Variants in FBXL20 observed in about 807,000 individuals in gnomAD.
FBXL20 encodes F-box/LRR-repeat protein 20.
Under a neutral mutation model 64.0 loss-of-function variants are expected in FBXL20, and 11 were observed. The observed-to-expected ratio is 0.17, with a 90% CI of 0.11 to 0.28. The LOEUF is 0.28. Among genes scored for constraint, FBXL20 ranks in the 10% least tolerant of loss-of-function variants. The probability of loss-of-function intolerance (pLI) is 1.00; values close to 1 mark genes in which losing one functional copy is unlikely to be tolerated. For missense variants in FBXL20, 303 were observed against 526.2 expected, an observed-to-expected ratio of 0.58 and a Z score of 4.15; for synonymous variants, 184 against 189.0, an observed-to-expected ratio of 0.97 and a Z score of 0.22.
chr17:39,362,397 C>G (rs562488554), intron 1 of FBXL20, among the ~76,000 whole-genome samples: 1 of 152,106 alleles, frequency 6.6e-6, no homozygotes, highest in Admixed American at 6.5e-5. Flanking sequence ...CCCAGGAGTT[C>G]GAGACCAGCC....
intron 6 of FBXL20, among the ~76,000 whole-genome samples, chr17:39,291,310 G>A (rs1199320055): frequency 6.7e-6 from 1 of 150,104 alleles, no homozygotes; most frequent in African/African-American, 2.5e-5. Context: ...CCTTCCTTTG[G>A]ATTTAATTTA....
At chr17:39,357,607 C>T (rs1006781946) in intron 1 of FBXL20, among the ~76,000 whole-genome samples, 2 of 152,172 alleles carry the variant, frequency 1.3e-5, no homozygotes, top group African/African-American at 4.8e-5. Flanking sequence ...AGTGCGGTGG[C>T]ACAAACATAG....
intron 12 of FBXL20, 115 bp downstream of exon 12, chr17:39,268,712 A>G (rs1330584303): frequency 2.5e-6 from 2 of 795,352 alleles, no homozygotes; most frequent in Non-Finnish European, 4.0e-6. Context: ...GGAATCTGCA[A>G]TGCTGTCAGG....
rs193187451 is a variant in FBXL20, at chr17:39,347,566, G to C, written c.43-4325C>G. 1.0e-3 allele frequency among the ~76,000 whole-genome samples: 155 copies of C among 152,240 alleles called. 1 individual carries two copies. Among genetic ancestry groups the C allele is most frequent in the African/African-American group, 3.5e-3 (147 of 41,556 alleles). ...GATTTTTTCTTGTAAATTTGTTTAA[G>C]TTCTTTGTAGATTCTGGATATTAGT... On this transcript the variant is annotated intron_variant, in intron 1 of 14. Coordinates refer to ENST00000264658, the MANE Select transcript of FBXL20 (RefSeq NM_032875.3).
intron 2 of FBXL20, among the ~76,000 whole-genome samples, chr17:39,337,872 G>T (rs1330308960): frequency 1.3e-5 from 2 of 151,612 alleles, no homozygotes; most frequent in African/African-American, 2.4e-5. Context: ...GGAGGAGGGG[G>T]TCAGGCCCCG....
intron 10 of FBXL20, 101 bp downstream of exon 10, chr17:39,274,869 T>G (rs1325496775): frequency 1.6e-5 from 23 of 1,477,438 alleles, no homozygotes; most frequent in Non-Finnish European, 2.0e-5. Context: ...TTTCAAAGCG[T>G]CTGCAGTGCC....
chr17:39,292,203 T>C (rs905277707), intron 6 of FBXL20, among the ~76,000 whole-genome samples: 4 of 150,532 alleles, frequency 2.7e-5, no homozygotes, highest in African/African-American at 1.0e-4. Context: ...AAGCCAGGGG[T>C]ACTATTTAAT....
At chr17:39,382,063 A>T (rs1597832317) in intron 1 of FBXL20, among the ~76,000 whole-genome samples, 2 of 147,664 alleles carry the variant, frequency 1.4e-5, no homozygotes, top group African/African-American at 5.1e-5. Context: ...ACTGCACTCC[A>T]GCCTGGCAAA....
At chr17:39,338,097 G>T (rs1008270233) in intron 2 of FBXL20, among the ~76,000 whole-genome samples, 1 of 152,234 alleles carries the variant, frequency 6.6e-6, no homozygotes, top group African/African-American at 2.4e-5. Context: ...GAATAGAAAG[G>T]GGGGAAAGGT....
At chr17:39,268,176 A>G (rs2046809100) in intron 12 of FBXL20, among the ~76,000 whole-genome samples, 1 of 152,086 alleles carries the variant, frequency 6.6e-6, no homozygotes, top group African/African-American at 2.4e-5. Flanking sequence ...ACACAGTGAA[A>G]TCCCATCTCT....
chr17:39,364,382 G>A (rs985625628), intron 1 of FBXL20, among the ~76,000 whole-genome samples: 2 of 152,188 alleles, frequency 1.3e-5, no homozygotes, highest in African/African-American at 4.8e-5. Flanking sequence ...GGAGGCCAAG[G>A]AGAGTGGATT....
In FBXL20 at chr17:39,264,348, G is replaced by A. The variant is rs1433521578; in HGVS notation, c.1030C>T (p.Arg344Cys). The A allele has an allele frequency of 1.9e-6, 3 of 1,613,840 alleles. No individual in the cohort carries two copies. Among genetic ancestry groups the A allele is most frequent in the East Asian group, 2.2e-5 (1 of 44,882 alleles). ...HCELITDDGI[R>C]HLGNGACAHD... ...GCGCAGGCCCCATTCCCCAGGTGACGAATTCCATCATCTGTGATCAGCTCA... is the reference window on the plus strand; with the variant it reads ...GCGCAGGCCCCATTCCCCAGGTGACAAATTCCATCATCTGTGATCAGCTCA... Residue 344 changes from arginine (R) to cysteine (C), a missense_variant, in exon 14 of 15, where the codon CGT (arginine) becomes TGT (cysteine). Physicochemically the swap from Arg to Cys is radical, Grantham distance 180 (BLOSUM62 -3). This residue lies in a region of FBXL20 where 246 missense variants were observed against 422.6 expected (regional missense o/e 0.58). Transcript: ENST00000264658.
chr17:39,309,601 G>A (rs777613585), intron 2 of FBXL20, among the ~76,000 whole-genome samples: 3 of 151,796 alleles, frequency 2.0e-5, no homozygotes, highest in African/African-American at 2.4e-5. Context: ...TCAGGAGTTC[G>A]AGACCAGCCT....
At chr17:39,303,734 T>C in intron 2 of FBXL20, 95 bp from the exon 3 acceptor site, 1 of 1,081,290 alleles carries the variant, frequency 9.2e-7, no homozygotes, top group Non-Finnish European at 1.3e-6. Context: ...TCAGCCAAGC[T>C]GGAGAGCAGT....
At position 39,253,762 on chromosome 17, in the gene FBXL20, C is replaced by T. The variant is rs1402450404; in HGVS notation, c.*7698G>A. 6.6e-6 allele frequency: 1 copy of T among 152,056 alleles called. No homozygotes were observed. The highest frequency in any genetic ancestry group is 2.4e-5 in the African/African-American group (1 of 41,342). The allele number at this position is 152,056 out of a possible 1,614,324, so 9.4% of individuals were successfully genotyped here. A position where few individuals can be genotyped will look rare whatever the true frequency, so the allele number is the denominator to read the frequency against. Reference sequence around the variant, plus strand: ...AAGGGCAGGAAAAAACTAATGTAAACCCAGGAAAGCAGCAGCAAAGGTTTC... The same window carrying T: ...AAGGGCAGGAAAAAACTAATGTAAATCCAGGAAAGCAGCAGCAAAGGTTTC... On this transcript the variant is annotated 3_prime_UTR_variant, in exon 15 of 15. Coordinates refer to ENST00000264658, the MANE Select transcript of FBXL20 (RefSeq NM_032875.3).
intron 1 of FBXL20, among the ~76,000 whole-genome samples, chr17:39,347,355 T>C (rs1442001816): frequency 6.6e-6 from 1 of 152,188 alleles, no homozygotes; most frequent in African/African-American, 2.4e-5. Context: ...GCACCTGTTG[T>C]TTCCCGACTT....
At chr17:39,269,161 C>T (rs2046817964) in intron 11 of FBXL20, among the ~76,000 whole-genome samples, 1 of 152,016 alleles carries the variant, frequency 6.6e-6, no homozygotes, top group Non-Finnish European at 1.5e-5. Context: ...TAGGAATGTG[C>T]CACCACACCT....
At chr17:39,283,234 T>C (rs2046962495) in intron 7 of FBXL20, among the ~76,000 whole-genome samples, 1 of 152,212 alleles carries the variant, frequency 6.6e-6, no homozygotes, top group South Asian at 2.1e-4. Flanking sequence ...CATCGAGCAA[T>C]GCTATTACTG....
chr17:39,323,422 G>A (rs1357999479), intron 2 of FBXL20, among the ~76,000 whole-genome samples: 1 of 152,140 alleles, frequency 6.6e-6, no homozygotes, highest in Admixed American at 6.6e-5. Flanking sequence ...GAAGAAAACA[G>A]TAGACACTAG....
Sources: allele counts gnomAD v4.1 joint callset (sites outside exome capture counted in the v4.1 genomes callset), GRCh38; gene constraint gnomAD v4.1.1; regional missense constraint gnomAD v4.1.1; transcripts MANE v1.5; gene names NCBI Gene and HGNC (gene_info 2026-07-23, HGNC 2026-07-21).